Variants in FMO3 observed in about 807,000 individuals in gnomAD.
The protein encoded by FMO3 is flavin-containing monooxygenase 3.
A neutral mutation model predicts 39.4 loss-of-function variants in FMO3; 40 were observed. That is an observed-to-expected ratio of 1.02 (90% CI 0.79 to 1.32). The LOEUF (loss-of-function observed/expected upper bound fraction) is 1.32. FMO3 is among the 40% of genes most tolerant of loss of function. FMO3 has a pLI of 0.00. For synonymous variants in FMO3, 219 were observed against 228.8 expected, an observed-to-expected ratio of 0.96 and a Z score of 0.39; for missense variants, 680 against 651.8, an observed-to-expected ratio of 1.04 and a Z score of -0.47.
In FMO3 at chr1:171,108,236, G is replaced by A. The variant is rs768956786; in HGVS notation, c.627+15G>A. On this transcript the variant is annotated intron_variant, in intron 5 of 8. Transcript: ENST00000367755. ...CAGCAGAACAGGTACTACTCCCCGG[G>A]TACTCGGGTGACTCTCGTTACTGAC... 4.1e-5 allele frequency: 66 copies of A among 1,613,388 alleles called. 1 individual carries two copies. The Admixed American group carries it at 1.1e-3, about 26-fold the overall frequency.
Position 171,103,818 on chromosome 1 carries a change from A to C in FMO3, c.166A>C (p.Lys56Gln). 6.2e-7 allele frequency: 1 copy of C among 1,613,920 alleles called. No homozygotes were observed. Among genetic ancestry groups the C allele is most frequent in the African/African-American group, 1.3e-5 (1 of 75,014 alleles). The stretch of plus-strand genomic sequence containing the variant: ...AGAGGAGGGCAGGGCTAGCATTTAC[A>C]AATCAGTCTTTTCCAACTCTTCCAA... ...HAEEGRASIY[K>Q]SVFSNSSKEM... The change falls in exon 3 of 9, where the codon AAA becomes CAA. Residue 56 changes from lysine to glutamine, a missense_variant. Coordinates refer to ENST00000367755, the MANE Select transcript of FMO3 (RefSeq NM_001002294.3).
intron 2 of FMO3, among the ~76,000 whole-genome samples, chr1:171,096,269 TA>T (rs1655038752): frequency 1.8e-5 from 1 of 56,926 alleles, no homozygotes; most frequent in African/African-American, 9.3e-5. Flanking sequence ...TTTATATATA[TA>T]AATATTATAT....
chr1:171,096,079 T>A (rs1238888364), intron 2 of FMO3, among the ~76,000 whole-genome samples: 2 of 74,994 alleles, frequency 2.7e-5, no homozygotes, highest in Non-Finnish European at 4.4e-5. Context: ...TATTAATATA[T>A]AATATATATT....
In FMO3 at chr1:171,117,670, C is replaced by T; in HGVS notation, c.*228C>T. 4 of 439,590 alleles carry T rather than the reference C, an allele frequency of 9.1e-6. No individual in the cohort carries two copies. The highest frequency in any genetic ancestry group is 1.2e-5 in the Non-Finnish European group (3 of 248,320). 27.2% of individuals were successfully genotyped at this position (439,590 alleles called of 1,614,324 possible). A position where few individuals can be genotyped will look rare whatever the true frequency, so the allele number is the denominator to read the frequency against. ...ACTAATCATTTCTGTTTGAGTTCCACTAACACTTCAAAATCAGAACTATGT... is the reference window on the plus strand; with the variant it reads ...ACTAATCATTTCTGTTTGAGTTCCATTAACACTTCAAAATCAGAACTATGT... On this transcript the variant is annotated 3_prime_UTR_variant, in exon 9 of 9. Transcript: ENST00000367755.
intron 3 of FMO3, 126 bp downstream of exon 3, chr1:171,104,099 C>T (rs1655533700): frequency 5.3e-6 from 4 of 761,140 alleles, no homozygotes; most frequent in Non-Finnish European, 8.9e-6. Context: ...AGTGTGGCCT[C>T]TCTAACTCTA....
At chr1:171,116,809 T>C (rs1386773562) in intron 8 of FMO3, among the ~76,000 whole-genome samples, 1 of 152,196 alleles carries the variant, frequency 6.6e-6, no homozygotes, top group East Asian at 1.9e-4. Flanking sequence ...AATCTATCCA[T>C]TTGTAAATAA....
rs761653296 is a variant in FMO3, at chr1:171,117,221, G to C, written c.1378G>C (p.Glu460Gln). ...TCTCACAGATCCCAAATTGGCCATG[G>C]AAGTTTATTTTGGCCCTTGTAGTCC... is the stretch of plus-strand genomic sequence containing the variant. Reference protein sequence around the residue: ...LFLTDPKLAMEVYFGPCSPYQ... With the variant: ...LFLTDPKLAMQVYFGPCSPYQ... Residue 460 changes from glutamate (E) to glutamine (Q), a missense_variant, in exon 9 of 9, where the codon GAA (glutamate) becomes CAA (glutamine). Glu to Gln is a conservative substitution (Grantham distance 29). Coordinates refer to ENST00000367755, the MANE Select transcript of FMO3 (RefSeq NM_001002294.3). 1.2e-6 allele frequency: 2 copies of C among 1,614,056 alleles called. No homozygotes were observed. Among genetic ancestry groups the C allele is most frequent in the African/African-American group, 2.7e-5 (2 of 74,936 alleles).
intron 2 of FMO3, among the ~76,000 whole-genome samples, chr1:171,098,767 T>C (rs1268700306): frequency 1.3e-5 from 2 of 152,200 alleles, no homozygotes; most frequent in African/African-American, 4.8e-5. Flanking sequence ...CTTTTCCTAA[T>C]TGAACATGCT....
intron 2 of FMO3, chr1:171,100,359 G>A (rs145627114): frequency 1.3e-5 from 2 of 152,336 alleles, no homozygotes; most frequent in African/African-American, 4.8e-5. Context: ...GCAGAGGCCT[G>A]AGCCAAAGCC....
At position 171,103,948 on chromosome 1, in the gene FMO3, A is replaced by G; in HGVS notation, c.296A>G (p.Asn99Ser). Reference protein sequence around the residue: ...EYIIAFAKEKNLLKYIQFKTF... With the variant: ...EYIIAFAKEKSLLKYIQFKTF... ...ATCATTGCATTTGCCAAAGAAAAGA[A>G]CCTCCTGAAGTACATACAATTTAAG... The change falls in exon 3 of 9, where the codon AAC becomes AGC. Residue 99 changes from asparagine to serine, a missense_variant. Physicochemically the swap from Asn to Ser is conservative, Grantham distance 46 (BLOSUM62 1). Transcript: ENST00000367755. 1 of 1,613,574 alleles carries G rather than the reference A, an allele frequency of 6.2e-7. No homozygotes were observed. The highest frequency in any genetic ancestry group is 8.5e-7 in the Non-Finnish European group (1 of 1,179,646).
intron 3 of FMO3, among the ~76,000 whole-genome samples, chr1:171,105,656 G>A (rs1428851693): frequency 6.6e-6 from 1 of 151,934 alleles, no homozygotes; most frequent in African/African-American, 2.4e-5. Context: ...TAACTGTCTT[G>A]ATTGAGTTTG....
At chr1:171,101,199 T>C (rs1484455883) in intron 2 of FMO3, 1 of 456,184 alleles carries the variant, frequency 2.2e-6, no homozygotes, top group Admixed American at 2.3e-5. Context: ...CCTCTGAAAA[T>C]GAACATGGTA....
At chr1:171,097,959 A>T (rs550782378) in intron 2 of FMO3, among the ~76,000 whole-genome samples, 1 of 152,246 alleles carries the variant, frequency 6.6e-6, no homozygotes, top group East Asian at 1.9e-4. Context: ...ATTTGAATTA[A>T]TTTTTGTATA....
At chr1:171,105,084 C>T (rs886531676) in intron 3 of FMO3, among the ~76,000 whole-genome samples, 2 of 151,936 alleles carry the variant, frequency 1.3e-5, no homozygotes, top group African/African-American at 4.8e-5. Context: ...CTTATCAAAA[C>T]TCACTCAATA....
At chr1:171,094,032 T>C (rs748629220) in intron 2 of FMO3, among the ~76,000 whole-genome samples, 6 of 151,890 alleles carry the variant, frequency 4.0e-5, no homozygotes, top group Non-Finnish European at 5.9e-5. Context: ...TTTCGCCATG[T>C]TGACAAAGCT....
Position 171,096,031 on chromosome 1 carries a change from T to C in FMO3, c.132+3241T>C, listed in dbSNP as rs1167422053. On this transcript the variant is annotated intron_variant, in intron 2 of 8. Coordinates refer to ENST00000367755, the MANE Select transcript of FMO3 (RefSeq NM_001002294.3). ...AATATACATATTATATATTAATATA[T>C]AATATATATTATATATAAATATATA... is the stretch of plus-strand genomic sequence containing the variant. Among the ~76,000 whole-genome samples, 140 of 61,032 alleles carry C rather than the reference T, an allele frequency of 2.3e-3. 5 individuals carry two copies. Among genetic ancestry groups the C allele is most frequent in the African/African-American group, 9.8e-3 (132 of 13,476 alleles). 40.0% of individuals were successfully genotyped at this position (61,032 alleles called of 152,430 possible).
chr1:171,107,759 G>A lies in FMO3; in HGVS notation c.406G>A (p.Glu136Lys). 1 of 1,613,842 alleles carries A rather than the reference G, an allele frequency of 6.2e-7. No homozygotes were observed. Among genetic ancestry groups the A allele is most frequent in the Non-Finnish European group, 8.5e-7 (1 of 1,179,858 alleles). The change falls in exon 4 of 9, where the codon GAA becomes AAA. Residue 136 changes from glutamate (E) to lysine (K), a missense_variant. By Grantham distance (56) the Glu-to-Lys change is moderately conservative. Coordinates refer to ENST00000367755, the MANE Select transcript of FMO3 (RefSeq NM_001002294.3). Reference protein sequence around the residue: ...DVTTERDGKKESAVFDAVMVC... With the variant: ...DVTTERDGKKKSAVFDAVMVC... The stretch of plus-strand genomic sequence containing the variant: ...TACCACTGAAAGGGATGGTAAAAAA[G>A]AATCGGCTGTCTTTGATGCTGTAAT...
intron 7 of FMO3, 113 bp downstream of exon 7, chr1:171,114,475 T>G (rs1276490902): frequency 2.5e-6 from 2 of 797,784 alleles, no homozygotes; most frequent in South Asian, 1.5e-5. Flanking sequence ...TTTTGAAAAT[T>G]TATAATTCTA....
intron 2 of FMO3, among the ~76,000 whole-genome samples, chr1:171,095,735 T>TAA: frequency 1.5e-5 from 2 of 131,856 alleles, no homozygotes; most frequent in Admixed American, 1.9e-4. Context: ...GTTTCTTTTA[T>TAA]ATATATCTAT....
Sources: gnomAD v4.1 joint callset for allele counts (sites outside exome capture counted in the v4.1 genomes callset) on GRCh38, gnomAD v4.1.1 for gene constraint, MANE v1.5 for transcripts, NCBI Gene and HGNC (gene_info 2026-07-23, HGNC 2026-07-21) for gene names.